RBL1: variants seen among roughly 807,000 people sequenced by gnomAD.
RBL1 encodes RB transcriptional corepressor like 1, also known as retinoblastoma-like protein 1.
In RBL1, 82 loss-of-function variants were observed where a neutral mutation model predicts 123.0. That is an observed-to-expected ratio of 0.67 (90% CI 0.56 to 0.80). RBL1 has a LOEUF of 0.80. Ranked by LOEUF, RBL1 falls within the 30% of genes least tolerant of loss-of-function variation. RBL1 has a pLI of 0.00. For synonymous variants in RBL1, 405 were observed against 441.3 expected, an observed-to-expected ratio of 0.92 and a Z score of 1.03; for missense variants, 1,171 against 1,299.6, an observed-to-expected ratio of 0.90 and a Z score of 1.52.
intron 11 of RBL1, among the ~76,000 whole-genome samples, chr20:37,054,703 G>A (rs1389250045): frequency 6.6e-6 from 1 of 151,160 alleles, no homozygotes; most frequent in Non-Finnish European, 1.5e-5. Context: ...GGTGGCGGGC[G>A]CCTGTAACCC....
chr20:37,024,814 G>A (rs1299535526), intron 16 of RBL1, among the ~76,000 whole-genome samples: 2 of 152,096 alleles, frequency 1.3e-5, no homozygotes, highest in African/African-American at 4.8e-5. Context: ...AAGTAAATGG[G>A]GAAACTGCTA....
chr20:37,069,649 C>A (rs1160161266), intron 2 of RBL1, among the ~76,000 whole-genome samples: 1 of 151,856 alleles, frequency 6.6e-6, no homozygotes, highest in Non-Finnish European at 1.5e-5. Context: ...CGGCAGCCGC[C>A]CCGTCTGAGA....
chr20:37,045,765 C>T (rs903249586), intron 12 of RBL1, among the ~76,000 whole-genome samples: 14 of 152,144 alleles, frequency 9.2e-5, no homozygotes, highest in African/African-American at 3.4e-4. Context: ...CCTAAAAATA[C>T]TTTAATCACA....
At chr20:37,010,843 T>G (rs1275350147) in intron 19 of RBL1, among the ~76,000 whole-genome samples, 8 of 152,130 alleles carry the variant, frequency 5.3e-5, no homozygotes, top group African/African-American at 1.9e-4. Context: ...AGAGACAAGA[T>G]CTTGCTCTAT....
chr20:37,086,019 C>T (rs1270451372), intron 2 of RBL1, among the ~76,000 whole-genome samples: 1 of 152,128 alleles, frequency 6.6e-6, no homozygotes, highest in African/African-American at 2.4e-5. Flanking sequence ...TATCTCAGCT[C>T]ACTGCAACCT....
Position 37,035,328 on chromosome 20 carries a change from G to T in RBL1, c.2084C>A (p.Ser695Ter). The change falls in exon 15 of 22, where the codon TCA becomes TAA. Residue 695 changes from serine (S) to a stop codon, truncating the protein, a stop_gained. Coordinates refer to ENST00000373664, the MANE Select transcript of RBL1 (RefSeq NM_002895.5). LOFTEE classifies it high-confidence loss of function. ...TAGAAGAGTTTGACCAGGTAAAATT[G>T]ATACATTTTCAGCAGTAATGCTTGA... is the stretch of plus-strand genomic sequence containing the variant. Reference protein sequence around the residue: ...PSSSITAENVSILPGQTLLTM... With the variant: ...PSSSITAENV 1.9e-6 allele frequency: 3 copies of T among 1,614,034 alleles called. No homozygotes were observed. The highest frequency in any genetic ancestry group is 2.5e-6 in the Non-Finnish European group (3 of 1,179,926).
At chr20:37,069,119 C>G (rs1454018139) in intron 2 of RBL1, among the ~76,000 whole-genome samples, 1 of 152,268 alleles carries the variant, frequency 6.6e-6, no homozygotes, top group Non-Finnish European at 1.5e-5. Flanking sequence ...GGATTGCAGA[C>G]GGAGTCTGGT....
intron 2 of RBL1, among the ~76,000 whole-genome samples, chr20:37,071,900 A>G (rs777990661): frequency 2.6e-5 from 4 of 152,176 alleles, no homozygotes; most frequent in Non-Finnish European, 5.9e-5. Flanking sequence ...GGCCCTCACC[A>G]GGAGCAGATG....
Position 37,062,284 on chromosome 20 carries a change from T to C in RBL1, c.897-14A>G, listed in dbSNP as rs1460534457. 5 of 1,612,150 alleles carry C rather than the reference T, an allele frequency of 3.1e-6. No homozygotes were observed. The highest frequency in any genetic ancestry group is 4.2e-6 in the Non-Finnish European group (5 of 1,178,974). On this transcript the variant is annotated splice_polypyrimidine_tract_variant and intron_variant, in intron 7 of 21. Transcript: ENST00000373664. ...TTCACTGCTTTGCTGCAAAGAGAATTATTATAAGCTGTAATACTAAGTTAC... is the reference window on the plus strand; with the variant it reads ...TTCACTGCTTTGCTGCAAAGAGAATCATTATAAGCTGTAATACTAAGTTAC...
chr20:37,033,018 C>CTTTT (rs11311040), intron 15 of RBL1, 142 bp from the exon 16 acceptor site: 14 of 900,982 alleles, frequency 1.6e-5, no homozygotes, highest in East Asian at 4.1e-5. Flanking sequence ...TGACTGAATT[C>CTTTT]TTTTTTTTTT....
In RBL1 at chr20:37,041,299, C is replaced by T. The variant is rs114993853; in HGVS notation, c.1771-1014G>A. On this transcript the variant is annotated intron_variant, in intron 13 of 21. Coordinates refer to ENST00000373664, the MANE Select transcript of RBL1 (RefSeq NM_002895.5). ...TAATTTGTGCACAACTCTGGGCACA[C>T]ATTTTTAATTTTTATTTATTTATTC... 3.2e-3 allele frequency among the ~76,000 whole-genome samples: 494 copies of T among 152,246 alleles called. 7 individuals are homozygous for T. Among genetic ancestry groups the T allele is most frequent in the African/African-American group, 0.011 (473 of 41,546 alleles).
At chr20:37,070,071 G>T (rs1363657348) in intron 2 of RBL1, among the ~76,000 whole-genome samples, 1 of 152,242 alleles carries the variant, frequency 6.6e-6, no homozygotes, top group East Asian at 1.9e-4. Context: ...AATGGTTGCC[G>T]TGTCTGTGTA....
intron 9 of RBL1, 84 bp from the exon 10 acceptor site, chr20:37,056,342 C>T (rs1052785947): frequency 1.5e-4 from 191 of 1,295,596 alleles, no homozygotes; most frequent in Non-Finnish European, 1.5e-4. Context: ...ACTAACATGC[C>T]TTCTTCTTCT....
Position 37,035,517 on chromosome 20 carries a change from A to G in RBL1, c.1904-9T>C. The stretch of plus-strand genomic sequence containing the variant: ...AGACAATGGTTGCATATCTAAAAAA[A>G]AATAATAAATTTAAAACAGAAATGT... On this transcript the variant is annotated splice_polypyrimidine_tract_variant and intron_variant, in intron 14 of 21. Coordinates refer to ENST00000373664, the MANE Select transcript of RBL1 (RefSeq NM_002895.5). 1 of 1,536,336 alleles carries G rather than the reference A, an allele frequency of 6.5e-7. No homozygotes were observed. Among genetic ancestry groups the G allele is most frequent in the South Asian group, 1.2e-5 (1 of 80,604 alleles).
intron 19 of RBL1, among the ~76,000 whole-genome samples, chr20:37,016,676 C>G (rs1334353242): frequency 2.0e-5 from 3 of 152,002 alleles, no homozygotes; most frequent in Non-Finnish European, 4.4e-5. Context: ...CCTGTCATCC[C>G]AGCACTTTGG....
rs778581162 is a variant in RBL1, at chr20:37,056,248, G to A, written c.1261C>T (p.Arg421Cys). The change falls in exon 10 of 22, where the codon CGT becomes TGT. Residue 421 changes from arginine to cysteine, a missense_variant. Transcript: ENST00000373664. The stretch of plus-strand genomic sequence containing the variant: ...TTCATAATGTTTTCCACAGGATTAC[G>A]CACACAAGATCTACAAAATACAAGA... ...QLINIFESCVRNPVENIMKIL... is the reference protein window; with the variant it reads ...QLINIFESCVCNPVENIMKIL... The A allele has an allele frequency of 8.8e-6, 14 of 1,595,786 alleles. No individual in the cohort carries two copies. Among genetic ancestry groups the A allele is most frequent in the Non-Finnish European group, 1.2e-5 (14 of 1,173,824 alleles).
intron 2 of RBL1, among the ~76,000 whole-genome samples, chr20:37,068,916 C>T (rs1228694784): frequency 1.2e-4 from 18 of 152,380 alleles, no homozygotes; most frequent in Non-Finnish European, 2.2e-4. Context: ...CTGGACTGTA[C>T]TGCTGCCATC....
At chr20:37,032,632 C>T in intron 16 of RBL1, 33 bp downstream of exon 16, 9 of 1,605,250 alleles carry the variant, frequency 5.6e-6, no homozygotes, top group Non-Finnish European at 7.7e-6. Flanking sequence ...ATTGATTAAA[C>T]AAATTCTTCT....
intron 7 of RBL1, among the ~76,000 whole-genome samples, chr20:37,062,970 A>T (rs1162899589): frequency 6.6e-6 from 1 of 152,188 alleles, no homozygotes; most frequent in Admixed American, 6.5e-5. Context: ...CGACAGAGCG[A>T]GACTCCGTCT....
Sources: allele counts gnomAD v4.1 joint callset (sites outside exome capture counted in the v4.1 genomes callset), GRCh38; gene constraint gnomAD v4.1.1; transcripts MANE v1.5; gene names NCBI Gene and HGNC (gene_info 2026-07-23, HGNC 2026-07-21).